The following RGS17 variants were observed in gnomAD, a reference collection of about 807,000 sequenced individuals.
RGS17 encodes regulator of G protein signaling 17.
RGS17 carries 12 observed loss-of-function variants against 25.5 expected under a neutral mutation model. The observed-to-expected ratio is 0.47, with a 90% CI of 0.30 to 0.76. The LOEUF (loss-of-function observed/expected upper bound fraction) is 0.76, where lower values mean the gene tolerates loss of function less well. RGS17 is among the 30% of genes least tolerant of loss of function. RGS17 has a pLI of 0.07. For missense variants in RGS17, 196 were observed against 242.2 expected (o/e 0.81, Z 1.27); for synonymous variants, 71 against 76.9 (o/e 0.92, Z 0.40).
At chr6:153,089,292 A>G (rs1777094662) in intron 1 of RGS17, among the ~76,000 whole-genome samples, 1 of 151,884 alleles carries the variant, frequency 6.6e-6, no homozygotes, top group South Asian at 2.1e-4. Flanking sequence ...AAGTAGACAT[A>G]TGTGGTTTTT....
At chr6:153,094,059 ATAT>A (rs1777171109) in intron 1 of RGS17, among the ~76,000 whole-genome samples, 1 of 151,386 alleles carries the variant, frequency 6.6e-6, no homozygotes, top group African/African-American at 2.4e-5. Flanking sequence ...ATGCCTAAAT[ATAT>A]TACACACATC....
chr6:153,106,290 C>T (rs1352804413), intron 1 of RGS17, among the ~76,000 whole-genome samples: 1 of 151,852 alleles, frequency 6.6e-6, no homozygotes, highest in Admixed American at 6.6e-5. Context: ...ATCATAAAGG[C>T]CTCAGGACTT....
At position 153,011,143 on chromosome 6, in the gene RGS17, TG is replaced by T. The variant is rs1304454198; in HGVS notation, c.*430del. ...AGATTATGTTAAAAAATGCAAACCA[TG>T]GCCGATTTTTTTGGCAATTATTTCT... On this transcript the variant is annotated 3_prime_UTR_variant, in exon 5 of 5. Transcript: ENST00000206262. 1.9e-5 allele frequency: 3 copies of T among 157,476 alleles called. No individual in the cohort carries two copies. Among genetic ancestry groups the T allele is most frequent in the African/African-American group, 7.2e-5 (3 of 41,506 alleles). The allele number at this position is 157,476 out of a possible 1,614,324, so 9.8% of individuals were successfully genotyped here.
intron 4 of RGS17, among the ~76,000 whole-genome samples, chr6:153,013,913 A>G (rs1779158078): frequency 6.6e-6 from 1 of 151,224 alleles, no homozygotes; most frequent in South Asian, 2.1e-4. Flanking sequence ...ATAAAAGTTC[A>G]AGGTGAAGCA....
At chr6:153,026,397 T>C in intron 3 of RGS17, 57 bp downstream of exon 3, 1 of 1,262,500 alleles carries the variant, frequency 7.9e-7, no homozygotes, top group Non-Finnish European at 1.1e-6. Context: ...AGGCACGCAG[T>C]TGATGTAAAT....
rs1370778726 is a variant in RGS17 at position 153,130,871 on chromosome 6, C to T, written c.-26+253G>A. Reference sequence around the variant, plus strand: ...CAGCAGCTGAGGGCGGCGAGCGGACCGCGTCCAGGCAGCGACGCGGGATTC... The same window carrying T: ...CAGCAGCTGAGGGCGGCGAGCGGACTGCGTCCAGGCAGCGACGCGGGATTC... On this transcript the variant is annotated intron_variant, in intron 1 of 4. Transcript: ENST00000206262. The surrounding 1 kb of genome is among the most constrained non-coding windows in gnomAD (Gnocchi z 6.4). 2.0e-5 allele frequency among the ~76,000 whole-genome samples: 3 copies of T among 151,882 alleles called. No individual in the cohort carries two copies. The highest frequency in any genetic ancestry group is 7.2e-5 in the African/African-American group (3 of 41,380).
intron 1 of RGS17, among the ~76,000 whole-genome samples, chr6:153,067,387 C>T (rs9397584): frequency 0.39 from 58,357 of 151,512 alleles, 11,902 homozygotes; most frequent in East Asian, 0.62. Flanking sequence ...TGTTTGCAGA[C>T]GATATGATCT....
intron 2 of RGS17, among the ~76,000 whole-genome samples, chr6:153,026,940 T>G (rs900519209): frequency 6.6e-6 from 1 of 152,174 alleles, no homozygotes; most frequent in Non-Finnish European, 1.5e-5. Flanking sequence ...TTAATTCTAT[T>G]CATAGTCTGT....
chr6:153,088,186 G>A (rs2129120976), intron 1 of RGS17, among the ~76,000 whole-genome samples: 1 of 152,306 alleles, frequency 6.6e-6, no homozygotes, highest in East Asian at 1.9e-4. Context: ...GTTGAGCCTT[G>A]AGATTACTGT....
At chr6:153,032,187 A>G (rs919612605) in intron 2 of RGS17, among the ~76,000 whole-genome samples, 2 of 152,132 alleles carry the variant, frequency 1.3e-5, no homozygotes, top group Admixed American at 1.3e-4. Flanking sequence ...ACACATAGAA[A>G]CTCAATGTTA....
chr6:153,114,049 A>G, intron 1 of RGS17, among the ~76,000 whole-genome samples: 1 of 152,190 alleles, frequency 6.6e-6, no homozygotes, highest in East Asian at 1.9e-4. Context: ...ACAAATTCAA[A>G]AGCTAGCAAA....
chr6:153,037,722 C>T (rs1776268229), intron 2 of RGS17, among the ~76,000 whole-genome samples: 1 of 152,108 alleles, frequency 6.6e-6, no homozygotes, highest in South Asian at 2.1e-4. Flanking sequence ...CCACACCCGG[C>T]CTATTTTTTG....
chr6:153,010,146 CTCAG>C lies in RGS17; in HGVS notation c.*1424_*1427del, dbSNP rs1435117718. 6.6e-6 allele frequency: 1 copy of C among 151,572 alleles called. No homozygotes were observed. The highest frequency in any genetic ancestry group is 1.5e-5 in the Non-Finnish European group (1 of 67,756). 9.4% of individuals were successfully genotyped at this position (151,572 alleles called of 1,614,324 possible). On this transcript the variant is annotated 3_prime_UTR_variant, in exon 5 of 5. Transcript: ENST00000206262. Reference sequence around the variant, plus strand: ...TTTTTAAAACTTTCATTTTAGGTTACTCAGTATTATATTCATTCAGTTTAATATT... The same window carrying C: ...TTTTTAAAACTTTCATTTTAGGTTACTATTATATTCATTCAGTTTAATATT...
chr6:153,024,065 A>C (rs1324957674), intron 4 of RGS17, among the ~76,000 whole-genome samples, 197 bp downstream of exon 4: 1 of 152,216 alleles, frequency 6.6e-6, no homozygotes, highest in Non-Finnish European at 1.5e-5. Context: ...AGCTAGAGAT[A>C]AACAGTCAAA....
chr6:153,105,950 G>C (rs1033708245), intron 1 of RGS17, among the ~76,000 whole-genome samples: 1 of 152,182 alleles, frequency 6.6e-6, no homozygotes, highest in South Asian at 2.1e-4. Flanking sequence ...TGGAAGAGAA[G>C]TGGAGCGAAA....
chr6:153,031,735 ACCT>A (rs1484513431), intron 2 of RGS17, among the ~76,000 whole-genome samples: 2 of 152,148 alleles, frequency 1.3e-5, no homozygotes, highest in African/African-American at 2.4e-5. Context: ...GGAAAAATAA[ACCT>A]CCTAGTACAA....
At chr6:153,084,132 G>C (rs975412160) in intron 1 of RGS17, among the ~76,000 whole-genome samples, 2 of 152,134 alleles carry the variant, frequency 1.3e-5, no homozygotes, top group African/African-American at 4.8e-5. Flanking sequence ...ATACAAGGTA[G>C]TAGAAGGATT....
At chr6:153,070,673 T>TTGTG (rs55655703) in intron 1 of RGS17, among the ~76,000 whole-genome samples, 2,906 of 145,044 alleles carry the variant, frequency 0.02, 42 homozygotes, top group African/African-American at 0.036. Context: ...ACATGGAAGA[T>TTGTG]TGTGTGTGTG....
rs374500432 is a variant in RGS17, at chr6:153,055,833, C to T, written c.-25-11790G>A. Among the ~76,000 whole-genome samples, 44 of 152,310 alleles carry T rather than the reference C, an allele frequency of 2.9e-4. No homozygotes were observed. In the South Asian group the frequency reaches 8.7e-3, roughly 30 times the overall value. ...GAAATGAGGGGAAATTCTGCTCTAA[C>T]TTCTAGCTGTCCACAGTTTTACTCT... On this transcript the variant is annotated intron_variant, in intron 1 of 4. Transcript: ENST00000206262.
Sources: gnomAD v4.1 joint callset for allele counts (sites outside exome capture counted in the v4.1 genomes callset) on GRCh38, gnomAD v4.1.1 for gene constraint, Gnocchi (gnomAD v3.1) non-coding constraint, MANE v1.5 for transcripts, NCBI Gene and HGNC (gene_info 2026-07-23, HGNC 2026-07-21) for gene names.